The following LINGO2 variants were observed in gnomAD, a reference collection of about 807,000 sequenced individuals.
The protein encoded by LINGO2 is leucine-rich repeat and immunoglobulin-like domain-containing nogo receptor-interacting protein 2.
In LINGO2, 14 loss-of-function variants were observed where a neutral mutation model predicts 30.6. That is an observed-to-expected ratio of 0.46 (90% CI 0.30 to 0.72). LINGO2 has a LOEUF of 0.72. Ranked by LOEUF, LINGO2 falls within the 30% of genes least tolerant of loss-of-function variation. The pLI is 0.07. For missense variants in LINGO2, 729 were observed against 751.7 expected (o/e 0.97, Z 0.35); for synonymous variants, 317 against 288.5 (o/e 1.10, Z -1.00).
intron 4 of LINGO2, among the ~76,000 whole-genome samples, chr9:28,280,584 T>A (rs1823285795): frequency 6.6e-6 from 1 of 152,150 alleles, no homozygotes; most frequent in Non-Finnish European, 1.5e-5. Context: ...GACAATGTCC[T>A]TTTACTCTTC....
the LINGO2 span, among the ~76,000 whole-genome samples, chr9:28,742,170 C>A: frequency 1.3e-5 from 2 of 151,886 alleles, no homozygotes; most frequent in Admixed American, 1.3e-4. Context: ...TCACTTATCT[C>A]TCCTTCCCTC....
the LINGO2 span, chr9:27,938,331 T>C: frequency 1.3e-5 from 2 of 152,306 alleles, no homozygotes; most frequent in South Asian, 2.1e-4. Flanking sequence ...TCATACTCAA[T>C]GATATCTAGT....
At chr9:28,376,118 G>A (rs1821120906) in intron 2 of LINGO2, among the ~76,000 whole-genome samples, 1 of 149,744 alleles carries the variant, frequency 6.7e-6, no homozygotes, top group South Asian at 2.1e-4. Context: ...AAACGGACAA[G>A]TGCAGCAGCC....
At chr9:28,089,541 A>G (rs1826013245) in intron 4 of LINGO2, among the ~76,000 whole-genome samples, 1 of 152,194 alleles carries the variant, frequency 6.6e-6, no homozygotes, top group East Asian at 1.9e-4. Context: ...ATCATACCAG[A>G]ATCTCTGGGA....
chr9:28,768,592 C>A, the LINGO2 span, among the ~76,000 whole-genome samples: 3 of 147,320 alleles, frequency 2.0e-5, no homozygotes, highest in African/African-American at 7.5e-5. Context: ...TATTTCCAGA[C>A]CTGTTTAGTA....
chr9:28,725,042 A>G, the LINGO2 span, among the ~76,000 whole-genome samples: 11 of 152,150 alleles, frequency 7.2e-5, no homozygotes, highest in South Asian at 2.3e-3. Context: ...TAAAAATACA[A>G]GAAGAAAATA....
intron 4 of LINGO2, among the ~76,000 whole-genome samples, chr9:28,092,006 A>T (rs1036710228): frequency 1.3e-5 from 2 of 152,210 alleles, no homozygotes; most frequent in African/African-American, 2.4e-5. Flanking sequence ...ATACCATCTC[A>T]TACCAGTTAG....
At chr9:28,990,981 G>T in the LINGO2 span, among the ~76,000 whole-genome samples, 1 of 152,232 alleles carries the variant, frequency 6.6e-6, no homozygotes, top group Admixed American at 6.5e-5. Context: ...AAGGAACGCA[G>T]TTCCTCACTA....
downstream of LINGO2, among the ~76,000 whole-genome samples, chr9:27,945,216 C>A (rs962683543): frequency 1.3e-5 from 2 of 152,060 alleles, no homozygotes; most frequent in African/African-American, 4.8e-5. Context: ...TTTTATTTCT[C>A]CAAGATCACA....
chr9:28,878,165 A>T, the LINGO2 span, among the ~76,000 whole-genome samples: 1 of 152,122 alleles, frequency 6.6e-6, no homozygotes, highest in East Asian at 1.9e-4. Context: ...TATCACCACC[A>T]ATCCCACAGA....
Position 28,148,365 on chromosome 9 carries a change from G to A in LINGO2, c.-86-135960C>T, listed in dbSNP as rs1191762040. 17 of 1,071,326 alleles carry A rather than the reference G, an allele frequency of 1.6e-5. No individual in the cohort carries two copies. The highest frequency in any genetic ancestry group is 2.4e-5 in the Non-Finnish European group (17 of 723,202). 66.4% of individuals were successfully genotyped at this position (1,071,326 alleles called of 1,614,324 possible). ...AGCCCCGTGAGGATTCCTCATCTCA[G>A]AGGCAAGTTTAACCTTCAACTTCCT... On this transcript the variant is annotated intron_variant, in intron 4 of 5. Coordinates refer to ENST00000379992, the Ensembl canonical transcript of LINGO2. This position sits in a 1 kb window ranked among gnomAD's most constrained non-coding sequence, Gnocchi z 5.1.
At chr9:28,222,889 T>G (rs1386061963) in intron 4 of LINGO2, among the ~76,000 whole-genome samples, 1 of 152,108 alleles carries the variant, frequency 6.6e-6, no homozygotes, top group Non-Finnish European at 1.5e-5. Context: ...TGGGGAGAGA[T>G]AAGCGAGATG....
At chr9:29,155,756 A>T in the LINGO2 span, among the ~76,000 whole-genome samples, 2 of 152,094 alleles carry the variant, frequency 1.3e-5, no homozygotes, top group African/African-American at 4.8e-5. Context: ...AATGCAAGGT[A>T]TGTTACTGTC....
At chr9:28,784,550 G>A in the LINGO2 span, among the ~76,000 whole-genome samples, 4 of 152,126 alleles carry the variant, frequency 2.6e-5, no homozygotes, top group Admixed American at 2.6e-4. Flanking sequence ...AAAAAGTTTT[G>A]CACATAGTTG....
At chr9:28,484,640 T>A (rs1279251014) in intron 1 of LINGO2, among the ~76,000 whole-genome samples, 1 of 152,084 alleles carries the variant, frequency 6.6e-6, no homozygotes, top group African/African-American at 2.4e-5. Flanking sequence ...TTGAACACTG[T>A]ATGACATTTC....
At chr9:28,727,645 A>T in the LINGO2 span, among the ~76,000 whole-genome samples, 1 of 152,272 alleles carries the variant, frequency 6.6e-6, no homozygotes, top group South Asian at 2.1e-4. Context: ...TTAGATAGAT[A>T]AAACAGTCAA....
rs73644092 is a variant in LINGO2, at chr9:28,642,813, C to T, written c.-365+27387G>A. ...CTACAGAACAAACAGCTGGTGTGAC[C>T]GTTAGAATATAAAACCATTTTAAAT... is the stretch of plus-strand genomic sequence containing the variant. On this transcript the variant is annotated intron_variant, in intron 1 of 5. Transcript: ENST00000379992. Among the ~76,000 whole-genome samples the T allele has an allele frequency of 8.0e-3, 1,212 of 152,058 alleles. 17 individuals carry two copies. Among genetic ancestry groups the T allele is most frequent in the African/African-American group, 0.028 (1,170 of 41,486 alleles).
chr9:28,726,846 C>G, the LINGO2 span, among the ~76,000 whole-genome samples: 1 of 152,100 alleles, frequency 6.6e-6, no homozygotes, highest in Non-Finnish European at 1.5e-5. Flanking sequence ...CATTTGGTAC[C>G]TCTCCACCTA....
At chr9:28,433,539 T>C (rs1823766463) in intron 2 of LINGO2, among the ~76,000 whole-genome samples, 1 of 151,906 alleles carries the variant, frequency 6.6e-6, no homozygotes, top group Admixed American at 6.6e-5. Context: ...TGAAAGCAAA[T>C]AAAGAAATCT....
Sources: allele counts gnomAD v4.1 joint callset (sites outside exome capture counted in the v4.1 genomes callset), GRCh38; gene constraint gnomAD v4.1.1; non-coding constraint Gnocchi (gnomAD v3.1); transcripts MANE v1.5; gene names NCBI Gene and HGNC (gene_info 2026-07-23, HGNC 2026-07-21).